Variants in BLTP3A observed in about 807,000 individuals in gnomAD.
The protein encoded by BLTP3A is bridge-like lipid transfer protein family member 3A.
chr6:34,844,025 G>C, the BLTP3A span, among the ~76,000 whole-genome samples: 1 of 152,114 alleles, frequency 6.6e-6, no homozygotes. Context: ...CCATTGCCCA[G>C]GCTGGAGTGC....
chr6:34,811,669 G>A, the BLTP3A span, among the ~76,000 whole-genome samples: 1 of 133,114 alleles, frequency 7.5e-6, no homozygotes, highest in African/African-American at 3.3e-5. Flanking sequence ...GGCTAACATG[G>A]TGAGACCCCC....
chr6:34,821,444 TGGC>T, the BLTP3A span: 2 of 465,304 alleles, frequency 4.3e-6, no homozygotes, highest in South Asian at 3.8e-5. Context: ...GCATTTGTTC[TGGC>T]TGGTCTGAGT....
At chr6:34,796,067 A>C in the BLTP3A span, among the ~76,000 whole-genome samples, 1 of 152,224 alleles carries the variant, frequency 6.6e-6, no homozygotes, top group Admixed American at 6.5e-5. Context: ...GTGGCTTCCC[A>C]AACCTGATGG....
the BLTP3A span, chr6:34,867,750 G>A: frequency 8.3e-7 from 1 of 1,208,360 alleles, no homozygotes; most frequent in Non-Finnish European, 1.1e-6. Flanking sequence ...CCATTAGGGG[G>A]AGGAAAAACT....
chr6:34,856,725 C>T, the BLTP3A span: 2 of 1,567,964 alleles, frequency 1.3e-6, no homozygotes, highest in Non-Finnish European at 8.7e-7. Flanking sequence ...TTTTTACTTT[C>T]CTTATTCTAT....
chr6:34,841,033 A>G, the BLTP3A span, among the ~76,000 whole-genome samples: 118 of 152,316 alleles, frequency 7.7e-4, 1 homozygote, highest in African/African-American at 2.7e-3. Flanking sequence ...GAGGCTCACT[A>G]CATTCCCCAG....
the BLTP3A span, among the ~76,000 whole-genome samples, chr6:34,869,926 G>C: frequency 6.6e-6 from 1 of 152,098 alleles, no homozygotes; most frequent in African/African-American, 2.4e-5. Context: ...TAGGATTACA[G>C]GCATGAGCCA....
At chr6:34,869,519 C>G in the BLTP3A span, among the ~76,000 whole-genome samples, 1 of 151,094 alleles carries the variant, frequency 6.6e-6, no homozygotes, top group African/African-American at 2.4e-5. Flanking sequence ...ATAGATTGTA[C>G]TATTTTTGTG....
chr6:34,855,974 C>G, the BLTP3A span: 1 of 959,900 alleles, frequency 1.0e-6, no homozygotes, highest in South Asian at 4.8e-5. Flanking sequence ...CCCCTCACTT[C>G]CACTAGTGTT....
At chr6:34,855,638 T>C in the BLTP3A span, 1 of 1,613,584 alleles carries the variant, frequency 6.2e-7, no homozygotes, top group African/African-American at 1.3e-5. Flanking sequence ...AACAGACTCA[T>C]GGGTGGTGCC....
At chr6:34,856,984 C>A in the BLTP3A span, 6 of 1,587,278 alleles carry the variant, frequency 3.8e-6, no homozygotes, top group Non-Finnish European at 4.3e-6. Context: ...ACTTGGAAGG[C>A]AGCTGGAACA....
chr6:34,811,771 A>G, the BLTP3A span, among the ~76,000 whole-genome samples: 2 of 150,958 alleles, frequency 1.3e-5, no homozygotes, highest in African/African-American at 4.9e-5. Flanking sequence ...AGGCAGGACA[A>G]TCGCTTGAAC....
At chr6:34,825,344 G>T in the BLTP3A span, among the ~76,000 whole-genome samples, 1 of 148,780 alleles carries the variant, frequency 6.7e-6, no homozygotes, top group Non-Finnish European at 1.5e-5. Flanking sequence ...TTTCGCTTTT[G>T]TCGCCCAGGC....
chr6:34,830,088 C>A, the BLTP3A span, among the ~76,000 whole-genome samples: 1 of 151,836 alleles, frequency 6.6e-6, no homozygotes, highest in African/African-American at 2.4e-5. Context: ...GATGGGATTA[C>A]AGGTGTGAGC....
At chr6:34,871,769 T>G in the BLTP3A span, 1 of 1,611,992 alleles carries the variant, frequency 6.2e-7, no homozygotes, top group African/African-American at 1.3e-5. Context: ...AGGAACTGTT[T>G]GGGAGTTGGC....
chr6:34,819,779 G>A, the BLTP3A span, among the ~76,000 whole-genome samples: 1 of 152,184 alleles, frequency 6.6e-6, no homozygotes, highest in Non-Finnish European at 1.5e-5. Context: ...AGTGGCTGGC[G>A]AGAGCACAGC....
At chr6:34,832,998 A>G in the BLTP3A span, among the ~76,000 whole-genome samples, 1 of 152,112 alleles carries the variant, frequency 6.6e-6, no homozygotes, top group Non-Finnish European at 1.5e-5. Context: ...TTTTCTTCAC[A>G]TCTAGAGGGA....
the BLTP3A span, chr6:34,867,433 G>C: frequency 7.4e-6 from 12 of 1,613,594 alleles, no homozygotes; most frequent in African/African-American, 1.5e-4. Flanking sequence ...CTGAGAGCTT[G>C]GGACTTAAAA....
the BLTP3A span, among the ~76,000 whole-genome samples, chr6:34,845,742 G>A: frequency 3.3e-5 from 5 of 151,556 alleles, no homozygotes; most frequent in African/African-American, 7.3e-5. Context: ...GACTACAGGC[G>A]CCCACCACCA....
Sources: gnomAD v4.1 joint callset for allele counts (sites outside exome capture counted in the v4.1 genomes callset) on GRCh38, gnomAD v4.1.1 for gene constraint, MANE v1.5 for transcripts, NCBI Gene and HGNC (gene_info 2026-07-23, HGNC 2026-07-21) for gene names.